NRG3: variants seen among roughly 807,000 people sequenced by gnomAD.
The protein encoded by NRG3 is pro-neuregulin-3, membrane-bound isoform.
In NRG3, 31 loss-of-function variants were observed where a neutral mutation model predicts 66.9. The observed-to-expected ratio is 0.46, with a 90% confidence interval of 0.35 to 0.63. The LOEUF (loss-of-function observed/expected upper bound fraction) is 0.63. Ranked by LOEUF, NRG3 falls within the 20% of genes least tolerant of loss-of-function variation. NRG3 has a pLI of 0.00. For synonymous variants in NRG3, 393 were observed against 359.4 expected (o/e 1.09, Z -1.06); for missense variants, 910 against 878.9 (o/e 1.04, Z -0.45).
chr10:82,172,380 G>A (rs1307914368), intron 1 of NRG3, among the ~76,000 whole-genome samples: 2 of 152,086 alleles, frequency 1.3e-5, no homozygotes, highest in East Asian at 1.9e-4. Context: ...CCAAGAATAT[G>A]TGGGTTACTG....
intron 3 of NRG3, among the ~76,000 whole-genome samples, chr10:82,826,913 A>G (rs2062240442): frequency 6.6e-6 from 1 of 151,868 alleles, no homozygotes; most frequent in Non-Finnish European, 1.5e-5. Context: ...CCTAAAATAA[A>G]TGTTGAAAAA....
intron 3 of NRG3, among the ~76,000 whole-genome samples, chr10:82,819,657 G>A (rs2061862480): frequency 6.6e-6 from 1 of 152,106 alleles, no homozygotes; most frequent in Non-Finnish European, 1.5e-5. Flanking sequence ...CAACAGAGTT[G>A]GAAGCATTTT....
At chr10:82,132,523 A>T (rs1288484554) in intron 1 of NRG3, among the ~76,000 whole-genome samples, 8,178 of 22,892 alleles carry the variant, frequency 0.36, 1,880 homozygotes, top group African/African-American at 0.53. Context: ...TATGATATAT[A>T]TGATATATAT....
intron 2 of NRG3, among the ~76,000 whole-genome samples, chr10:82,724,073 A>C (rs1159463589): frequency 6.7e-6 from 1 of 150,110 alleles, no homozygotes; most frequent in African/African-American, 2.5e-5. Flanking sequence ...AGAAAAAAAA[A>C]GAAAAAAAAA....
chr10:82,891,244 T>C (rs879525280), intron 4 of NRG3, among the ~76,000 whole-genome samples: 3 of 151,836 alleles, frequency 2.0e-5, no homozygotes, highest in Non-Finnish European at 4.4e-5. Context: ...ATTTACATAT[T>C]AAATATTCTA....
At chr10:82,984,145 T>C (rs1853205355) in intron 8 of NRG3, among the ~76,000 whole-genome samples, 1 of 152,170 alleles carries the variant, frequency 6.6e-6, no homozygotes, top group South Asian at 2.1e-4. Context: ...AACTAAGAAA[T>C]AGAATAAAAC....
intron 2 of NRG3, among the ~76,000 whole-genome samples, chr10:82,409,016 A>T (rs1424831786): frequency 2.6e-5 from 4 of 152,166 alleles, no homozygotes; most frequent in Non-Finnish European, 1.5e-5. Context: ...GAAATGATAG[A>T]TGGGGAAACC....
At chr10:82,291,281 A>G (rs1356750815) in intron 1 of NRG3, among the ~76,000 whole-genome samples, 1 of 152,200 alleles carries the variant, frequency 6.6e-6, no homozygotes, top group East Asian at 1.9e-4. Context: ...ATTAGATGTA[A>G]ACTTTAAAAA....
At chr10:82,797,848 C>T (rs1436986186) in intron 3 of NRG3, among the ~76,000 whole-genome samples, 1 of 152,088 alleles carries the variant, frequency 6.6e-6, no homozygotes, top group African/African-American at 2.4e-5. Flanking sequence ...CATATTTGAC[C>T]TGGCTCTGTC....
intron 1 of NRG3, among the ~76,000 whole-genome samples, chr10:81,896,087 AGAG>A (rs1432838714): frequency 2.0e-5 from 3 of 152,154 alleles, no homozygotes; most frequent in Admixed American, 1.3e-4. Context: ...GGACTGTTAG[AGAG>A]GAGAATGATG....
intron 2 of NRG3, among the ~76,000 whole-genome samples, chr10:82,684,792 G>C (rs1379736572): frequency 6.6e-6 from 1 of 152,128 alleles, no homozygotes; most frequent in African/African-American, 2.4e-5. Flanking sequence ...AAACAGAAAA[G>C]ATTGGGGCAT....
chr10:82,739,026 T>C (rs979494095), intron 3 of NRG3, among the ~76,000 whole-genome samples: 2 of 152,362 alleles, frequency 1.3e-5, no homozygotes, highest in African/African-American at 4.8e-5. Flanking sequence ...ATACCGCTTC[T>C]TACGCTTTGG....
chr10:82,089,259 AAAATAGTGG>A (rs1201495092), intron 1 of NRG3, among the ~76,000 whole-genome samples: 25 of 151,808 alleles, frequency 1.6e-4, no homozygotes, highest in African/African-American at 5.8e-4. Flanking sequence ...AATTTTTGTT[AAAATAGTGG>A]CCTTTCTTAC....
chr10:82,962,185 T>C (rs1025283876), intron 6 of NRG3, among the ~76,000 whole-genome samples: 2 of 152,310 alleles, frequency 1.3e-5, no homozygotes, highest in South Asian at 2.1e-4. Flanking sequence ...GTCCCTACCA[T>C]TGTTTTAAAA....
intron 2 of NRG3, among the ~76,000 whole-genome samples, chr10:82,454,638 C>A (rs1287313120): frequency 1.3e-5 from 2 of 152,132 alleles, no homozygotes; most frequent in Admixed American, 6.5e-5. Context: ...CATCTCAAAA[C>A]ACTCAGGAAA....
chr10:82,646,108 T>G (rs530273946), intron 2 of NRG3, among the ~76,000 whole-genome samples: 2 of 152,082 alleles, frequency 1.3e-5, no homozygotes, highest in African/African-American at 2.4e-5. Flanking sequence ...GGAACAAGTA[T>G]GTATTATTGG....
intron 1 of NRG3, among the ~76,000 whole-genome samples, chr10:82,067,803 G>A (rs2064572032): frequency 6.6e-6 from 1 of 152,202 alleles, no homozygotes; most frequent in Admixed American, 6.5e-5. Flanking sequence ...TTATCTTAAT[G>A]CTCTCAAAGC....
intron 2 of NRG3, among the ~76,000 whole-genome samples, chr10:82,424,905 A>G (rs1164527791): frequency 6.6e-6 from 1 of 151,892 alleles, no homozygotes; most frequent in African/African-American, 2.4e-5. Context: ...TCTTTCCTCC[A>G]CTGAATTGTC....
chr10:82,500,760 C>G (rs1194877607), intron 2 of NRG3, among the ~76,000 whole-genome samples: 3 of 152,078 alleles, frequency 2.0e-5, no homozygotes, highest in African/African-American at 7.2e-5. Flanking sequence ...CTAAGGGGTA[C>G]TCATCTTACA....
Sources: allele counts gnomAD v4.1 joint callset (sites outside exome capture counted in the v4.1 genomes callset), GRCh38; gene constraint gnomAD v4.1.1; transcripts MANE v1.5; gene names NCBI Gene and HGNC (gene_info 2026-07-23, HGNC 2026-07-21).